The following OR7E24 variants were observed in gnomAD, a reference collection of about 807,000 sequenced individuals.
The protein encoded by OR7E24 is olfactory receptor 7E24.
For synonymous variants in OR7E24, 130 were observed against 157.5 expected (o/e 0.83, Z 1.31); for missense variants, 385 against 410.3 (o/e 0.94, Z 0.53).
chr19:9,251,737 A>G lies in OR7E24; in HGVS notation c.694A>G (p.Ile232Val), dbSNP rs767922896. ...AIFGCLPISG[I>V]LFSYYKIVSP... The stretch of plus-strand genomic sequence containing the variant: ...ATTTGGCTGTCTCCCTATCTCAGGG[A>G]TCCTTTTCTCTTACTATAAAATTGT... Residue 232 changes from isoleucine to valine, a missense_variant, in exon 1 of 1, where the codon ATC (isoleucine) becomes GTC (valine). Coordinates refer to ENST00000456448, the MANE Select transcript of OR7E24 (RefSeq NM_001079935.2). 6 of 1,612,408 alleles carry G rather than the reference A, an allele frequency of 3.7e-6. No individual in the cohort carries two copies. Among genetic ancestry groups the G allele is most frequent in the Middle Eastern group, 3.3e-4 (2 of 6,082 alleles).
At chr19:9,222,757 A>G in the OR7E24 span, among the ~76,000 whole-genome samples, 1 of 152,160 alleles carries the variant, frequency 6.6e-6, no homozygotes, top group Non-Finnish European at 1.5e-5. Flanking sequence ...GGGAAAACTT[A>G]ACTTCTTACT....
chr19:9,219,800 G>A, the OR7E24 span, among the ~76,000 whole-genome samples: 1 of 152,174 alleles, frequency 6.6e-6, no homozygotes, highest in Admixed American at 6.6e-5. Flanking sequence ...AGTTAATTTT[G>A]TGATGAAATA....
chr19:9,245,705 G>A (rs79733541), upstream of OR7E24, among the ~76,000 whole-genome samples: 1 of 152,182 alleles, frequency 6.6e-6, no homozygotes, highest in Non-Finnish European at 1.5e-5. Context: ...CCCTTGAGGC[G>A]TTCATCCAGC....
the OR7E24 span, among the ~76,000 whole-genome samples, chr19:9,228,321 G>C: frequency 1.3e-5 from 2 of 152,112 alleles, no homozygotes; most frequent in East Asian, 3.9e-4. Context: ...CAATTTTGTA[G>C]TCAGTATCTG....
Position 9,251,176 on chromosome 19 carries a change from C to T in OR7E24, c.133C>T (p.Leu45Phe). The change falls in exon 1 of 1, where the codon CTC becomes TTC. Residue 45 changes from leucine (L) to phenylalanine (F), a missense_variant. Leu to Phe is a conservative substitution (Grantham distance 22). Coordinates refer to ENST00000456448, the MANE Select transcript of OR7E24 (RefSeq NM_001079935.2). ...LSEDPELQPV[L>F]AGLFLSMYLV... ...AGAGGATCCAGAACTGCAGCCGGTCCTCGCTGGGCTGTTCCTGTCCATGTA... is the reference window on the plus strand; with the variant it reads ...AGAGGATCCAGAACTGCAGCCGGTCTTCGCTGGGCTGTTCCTGTCCATGTA... The T allele has an allele frequency of 1.2e-6, 2 of 1,614,078 alleles. No homozygotes were observed. Among genetic ancestry groups the T allele is most frequent in the Non-Finnish European group, 1.7e-6 (2 of 1,179,996 alleles).
chr19:9,248,570 CA>C (rs549957741), upstream of OR7E24, among the ~76,000 whole-genome samples: 744 of 152,274 alleles, frequency 4.9e-3, 8 homozygotes, highest in South Asian at 0.025. Flanking sequence ...TGGTAGACCA[CA>C]GCTAGACCAG....
chr19:9,227,671 A>C, the OR7E24 span, among the ~76,000 whole-genome samples: 1 of 151,674 alleles, frequency 6.6e-6, no homozygotes, highest in African/African-American at 2.4e-5. Context: ...ATATACATCC[A>C]TGTGTCTTTA....
chr19:9,238,788 C>T, the OR7E24 span, among the ~76,000 whole-genome samples: 3 of 152,144 alleles, frequency 2.0e-5, no homozygotes, highest in Non-Finnish European at 4.4e-5. Context: ...TCAAGCCGTG[C>T]GTGGTTTATT....
chr19:9,214,387 T>A, the OR7E24 span: 1 of 1,614,012 alleles, frequency 6.2e-7, no homozygotes, highest in African/African-American at 1.3e-5. Context: ...CAGAAAATGA[T>A]GAACCAAGAT....
the OR7E24 span, among the ~76,000 whole-genome samples, chr19:9,230,534 G>C: frequency 1.3e-5 from 2 of 152,106 alleles, no homozygotes; most frequent in African/African-American, 2.4e-5. Context: ...ATAAACTGTA[G>C]GTTCCTGGTA....
rs201985790 is a variant in OR7E24 at position 9,251,064 on chromosome 19, C to CT, written c.30-10dup. The CT allele has an allele frequency of 0.039, 37,262 of 948,930 alleles. 2 individuals are homozygous for CT. Among genetic ancestry groups the CT allele is most frequent in the South Asian group, 0.045 (2,308 of 51,402 alleles). The allele number at this position is 948,930 out of a possible 1,614,324, so 58.8% of individuals were successfully genotyped here. A position where few individuals can be genotyped will look rare whatever the true frequency, so the allele number is the denominator to read the frequency against. On this transcript the variant is annotated intron_variant, in intron 1 of 1. Transcript: ENST00000641946. ...TACTTATGTCCTATTTTCCAATTCTCTTTTTTTTTTTCCTCAAAAGGTGTC... is the reference window on the plus strand; with the variant it reads ...TACTTATGTCCTATTTTCCAATTCTCTTTTTTTTTTTTCCTCAAAAGGTGTC...
chr19:9,233,009 T>C, the OR7E24 span, among the ~76,000 whole-genome samples: 181 of 148,440 alleles, frequency 1.2e-3, no homozygotes, highest in African/African-American at 4.5e-3. Flanking sequence ...ACCCTCACTC[T>C]CCACTCTCCA....
chr19:9,222,431 ACATGGGATATCTTTC>A, the OR7E24 span, among the ~76,000 whole-genome samples: 1 of 152,198 alleles, frequency 6.6e-6, no homozygotes, highest in South Asian at 2.1e-4. Flanking sequence ...CAGTTCATGA[ACATGGGATATCTTTC>A]CATTTATTTG....
At position 9,251,051 on chromosome 19, in the gene OR7E24, A is replaced by G; in HGVS notation, c.8A>G (p.Tyr3Cys). MS[Y>C]FPILFFFFLK... ...CTAGATGCTGGTTTACTTATGTCCT[A>G]TTTTCCAATTCTCTTTTTTTTTTTC... Residue 3 changes from tyrosine (Y) to cysteine (C), a missense_variant, in exon 1 of 1, where the codon TAT (tyrosine) becomes TGT (cysteine). Tyr to Cys is a radical substitution (Grantham distance 194, BLOSUM62 -2). Coordinates refer to ENST00000456448, the MANE Select transcript of OR7E24 (RefSeq NM_001079935.2). 1 of 1,575,514 alleles carries G rather than the reference A, an allele frequency of 6.3e-7. No individual in the cohort carries two copies. The highest frequency in any genetic ancestry group is 8.6e-7 in the Non-Finnish European group (1 of 1,160,698).
chr19:9,229,422 C>T, the OR7E24 span, among the ~76,000 whole-genome samples: 2 of 151,844 alleles, frequency 1.3e-5, no homozygotes, highest in South Asian at 4.2e-4. Context: ...GTAATCCCAG[C>T]TACTCAGGAG....
At chr19:9,236,938 A>G in the OR7E24 span, among the ~76,000 whole-genome samples, 2 of 152,036 alleles carry the variant, frequency 1.3e-5, no homozygotes, top group African/African-American at 2.4e-5. Context: ...CATCCTAAAA[A>G]CCTTTCTTTG....
the OR7E24 span, among the ~76,000 whole-genome samples, chr19:9,237,894 G>T: frequency 6.6e-6 from 1 of 152,202 alleles, no homozygotes; most frequent in Non-Finnish European, 1.5e-5. Flanking sequence ...GTGACAAACT[G>T]AGTTTTATAG....
At chr19:9,228,805 T>C in the OR7E24 span, among the ~76,000 whole-genome samples, 1 of 152,176 alleles carries the variant, frequency 6.6e-6, no homozygotes, top group Non-Finnish European at 1.5e-5. Flanking sequence ...AGGGTTCTAG[T>C]GATGCAAGAT....
At chr19:9,244,008 A>G (rs1425824250), upstream of OR7E24, among the ~76,000 whole-genome samples, 1 of 152,140 alleles carries the variant, frequency 6.6e-6, no homozygotes, top group Admixed American at 6.6e-5. Context: ...ACACAGACCC[A>G]ATTCCAGTAT....
Sources: allele counts gnomAD v4.1 joint callset (sites outside exome capture counted in the v4.1 genomes callset), GRCh38; gene constraint gnomAD v4.1.1; transcripts MANE v1.5; gene names NCBI Gene and HGNC (gene_info 2026-07-23, HGNC 2026-07-21).